KLHL28: variants seen among roughly 807,000 people sequenced by gnomAD.
KLHL28 encodes the protein kelch like family member 28.
A neutral mutation model predicts 48.3 loss-of-function variants in KLHL28; 22 were observed. The observed-to-expected ratio is 0.46, with a 90% CI of 0.33 to 0.65. The LOEUF (loss-of-function observed/expected upper bound fraction) is 0.65. KLHL28 is among the 30% of genes least tolerant of loss of function. The pLI, the probability that KLHL28 is intolerant of heterozygous loss-of-function variation, is 0.03. For missense variants in KLHL28, 527 were observed against 704.3 expected (o/e 0.75, Z 2.85); for synonymous variants, 243 against 242.4 (o/e 1.00, Z -0.02).
chr14:44,931,728 A>G (rs1883596964), intron 3 of KLHL28, among the ~76,000 whole-genome samples, 187 bp from the exon 4 acceptor site: 1 of 152,214 alleles, frequency 6.6e-6, no homozygotes, highest in Non-Finnish European at 1.5e-5. Flanking sequence ...CTTGTAAACA[A>G]GGTGCAATTC....
At chr14:44,941,443 G>A (rs146334475) in intron 2 of KLHL28, among the ~76,000 whole-genome samples, 15,416 of 151,570 alleles carry the variant, frequency 0.1, 1,098 homozygotes, top group African/African-American at 0.2. Flanking sequence ...ACCAGCCTCA[G>A]CATGGAGAAA....
chr14:44,939,113 A>G (rs1241011655), intron 2 of KLHL28, among the ~76,000 whole-genome samples: 1 of 152,220 alleles, frequency 6.6e-6, no homozygotes, highest in Non-Finnish European at 1.5e-5. Flanking sequence ...CTTCTAGAGT[A>G]GCAGCCTGAG....
At chr14:44,944,953 T>A in intron 2 of KLHL28, 77 bp downstream of exon 2, 1 of 1,102,654 alleles carries the variant, frequency 9.1e-7, no homozygotes, top group Non-Finnish European at 1.3e-6. Flanking sequence ...AAACTATTTT[T>A]AAAATATAGA....
chr14:44,936,348 GGA>G (rs1303902325), intron 2 of KLHL28, among the ~76,000 whole-genome samples: 1 of 152,028 alleles, frequency 6.6e-6, no homozygotes, highest in Non-Finnish European at 1.5e-5. Context: ...TGATGATATA[GGA>G]GAGAGATAGG....
chr14:44,951,650 C>T (rs73346313), intron 1 of KLHL28, among the ~76,000 whole-genome samples: 5,415 of 152,230 alleles, frequency 0.036, 336 homozygotes, highest in African/African-American at 0.12. Context: ...GAAAGCCTAG[C>T]ATATTTTTAT....
chr14:44,942,865 ATTT>A (rs750078208), intron 2 of KLHL28, among the ~76,000 whole-genome samples: 21 of 152,150 alleles, frequency 1.4e-4, no homozygotes, highest in Admixed American at 4.6e-4. Context: ...ATTATGTATT[ATTT>A]TCTACATGTC....
chr14:44,954,639 T>C (rs1884721497), intron 1 of KLHL28, among the ~76,000 whole-genome samples: 1 of 152,002 alleles, frequency 6.6e-6, no homozygotes, highest in South Asian at 2.1e-4. Context: ...ATCATTTCTA[T>C]TAAAAAAAGG....
chr14:44,942,195 A>G (rs1045775753), intron 2 of KLHL28, among the ~76,000 whole-genome samples: 2 of 152,130 alleles, frequency 1.3e-5, no homozygotes, highest in African/African-American at 4.8e-5. Flanking sequence ...TGAACCACCC[A>G]TGTAATCATC....
At chr14:44,949,273 G>A (rs1248693769) in intron 1 of KLHL28, among the ~76,000 whole-genome samples, 1 of 152,066 alleles carries the variant, frequency 6.6e-6, no homozygotes, top group Admixed American at 6.5e-5. Context: ...CCGATAAGAA[G>A]ATGTAGAGAT....
chr14:44,945,195 C>G lies in KLHL28; in HGVS notation c.734G>C (p.Arg245Pro). The change falls in exon 2 of 5, where the codon CGT becomes CCT. Residue 245 changes from arginine (R) to proline (P), a missense_variant. By Grantham distance (103) the Arg-to-Pro change is moderately radical (BLOSUM62 -2). Coordinates refer to ENST00000396128, the MANE Select transcript of KLHL28 (RefSeq NM_017658.5). The part of the protein sequence containing the change: ...TRLYEANHLI[R>P]DDRTCKHLLN... ...AAGATGTTTACAAGTGCGATCATCA[C>G]GAATAAGATGATTTGCTTCATATAG... The G allele has an allele frequency of 6.2e-7, 1 of 1,614,026 alleles. No homozygotes were observed. The highest frequency in any genetic ancestry group is 8.5e-7 in the Non-Finnish European group (1 of 1,179,938).
chr14:44,937,148 C>CT (rs1157419168), intron 2 of KLHL28, among the ~76,000 whole-genome samples: 2,576 of 139,656 alleles, frequency 0.018, 32 homozygotes, highest in African/African-American at 0.033. Context: ...TTGTTTTTTT[C>CT]TTTTTTTTTT....
intron 1 of KLHL28, among the ~76,000 whole-genome samples, chr14:44,955,180 A>G (rs1372334367): frequency 2.0e-5 from 3 of 151,844 alleles, no homozygotes; most frequent in Non-Finnish European, 4.4e-5. Flanking sequence ...TTTGAATAAA[A>G]AGTATGAGAA....
intron 2 of KLHL28, among the ~76,000 whole-genome samples, chr14:44,943,169 C>T (rs1884174300): frequency 6.6e-6 from 1 of 152,016 alleles, no homozygotes; most frequent in African/African-American, 2.4e-5. Context: ...AAATAAGAGG[C>T]AACTGCTCAA....
At chr14:44,959,355 G>A (rs1265334138) in intron 1 of KLHL28, 1 of 152,072 alleles carries the variant, frequency 6.6e-6, no homozygotes, top group Non-Finnish European at 1.5e-5. Context: ...CATGGTGCAT[G>A]GCACATAGCA....
At chr14:44,954,742 G>T (rs575270621) in intron 1 of KLHL28, among the ~76,000 whole-genome samples, 5 of 152,238 alleles carry the variant, frequency 3.3e-5, no homozygotes, top group East Asian at 3.9e-4. Context: ...AGATATTTTT[G>T]AATATACTCT....
rs973391807 is a variant in KLHL28, at chr14:44,924,712, T to C, written c.*4316A>G. On this transcript the variant is annotated 3_prime_UTR_variant, in exon 5 of 5. Transcript: ENST00000396128. Reference sequence around the variant, plus strand: ...AATATAGGCATTATCATCCAGTTCTTTAACTTCACTTGTATTTTAAGGCAA... The same window carrying C: ...AATATAGGCATTATCATCCAGTTCTCTAACTTCACTTGTATTTTAAGGCAA... 2.0e-5 allele frequency: 3 copies of C among 152,632 alleles called. No individual in the cohort carries two copies. The highest frequency in any genetic ancestry group is 7.2e-5 in the African/African-American group (3 of 41,464). 9.5% of individuals were successfully genotyped at this position (152,632 alleles called of 1,614,324 possible).
rs1199259661 is a variant in KLHL28 at position 44,929,171 on chromosome 14, C to T, written c.1573G>A (p.Asp525Asn). Residue 525 changes from aspartate (D) to asparagine (N), a missense_variant, in exon 5 of 5, where the codon GAT (aspartate) becomes AAT (asparagine). Asp to Asn is a conservative substitution (Grantham distance 23). Coordinates refer to ENST00000396128, the MANE Select transcript of KLHL28 (RefSeq NM_017658.5). ...PRTGVGAAVI[D>N]NYLYVVGGHS... ...CCACCGACGACATAAAGGTAGTTATCGATTACAGCAGCACCAACTCCTAGG... is the reference window on the plus strand; with the variant it reads ...CCACCGACGACATAAAGGTAGTTATTGATTACAGCAGCACCAACTCCTAGG... The T allele has an allele frequency of 5.6e-6, 9 of 1,608,496 alleles. No individual in the cohort carries two copies. The highest frequency in any genetic ancestry group is 1.3e-5 in the African/African-American group (1 of 74,530).
intron 3 of KLHL28, among the ~76,000 whole-genome samples, chr14:44,932,831 A>C (rs1883644873): frequency 6.6e-6 from 1 of 152,148 alleles, no homozygotes; most frequent in African/African-American, 2.4e-5. Flanking sequence ...TTTTTCCTTC[A>C]ACTAAGGGCA....
At position 44,927,240 on chromosome 14, in the gene KLHL28, G is replaced by A. The variant is rs1023401540; in HGVS notation, c.*1788C>T. 1 of 152,512 alleles carries A rather than the reference G, an allele frequency of 6.6e-6. No homozygotes were observed. The highest frequency in any genetic ancestry group is 2.4e-5 in the African/African-American group (1 of 41,410). 9.4% of individuals were successfully genotyped at this position (152,512 alleles called of 1,614,324 possible). A position where few individuals can be genotyped will look rare whatever the true frequency, so the allele number is the denominator to read the frequency against. On this transcript the variant is annotated 3_prime_UTR_variant, in exon 5 of 5. Coordinates refer to ENST00000396128, the MANE Select transcript of KLHL28 (RefSeq NM_017658.5). ...ATTAAAAATGATTTTACATAGTTTT[G>A]TAGTATATATTCAAATCTACAACTG...
Sources: gnomAD v4.1 joint callset for allele counts (sites outside exome capture counted in the v4.1 genomes callset) on GRCh38, gnomAD v4.1.1 for gene constraint, MANE v1.5 for transcripts, NCBI Gene and HGNC (gene_info 2026-07-23, HGNC 2026-07-21) for gene names.